The following CLCN4 variants were observed in gnomAD, a reference collection of about 807,000 sequenced individuals.
The protein encoded by CLCN4 is H(+)/Cl(-) exchange transporter 4.
In CLCN4, 1 loss-of-function variant was observed where a neutral mutation model predicts 41.7. The observed-to-expected ratio is 0.02, with a 90% CI of 0.01 to 0.11. The LOEUF (loss-of-function observed/expected upper bound fraction) is 0.11. Ranked by LOEUF, CLCN4 falls within the 10% of genes least tolerant of loss-of-function variation. CLCN4 has a pLI of 1.00. For missense variants in CLCN4, 287 were observed against 661.0 expected (o/e 0.43, Z 6.20); for synonymous variants, 277 against 285.8 (o/e 0.97, Z 0.31).
At chrX:10,216,918 T>TATATAC (rs773265490) in intron 11 of CLCN4, among the ~76,000 whole-genome samples, 3 of 38,927 alleles carry the variant, frequency 7.7e-5, no homozygotes, top group African/African-American at 1.1e-4. Context: ...TATATATATA[T>TATATAC]ACACACACAC....
intron 4 of CLCN4, among the ~76,000 whole-genome samples, chrX:10,193,233 G>A (rs1924013819): frequency 1.8e-5 from 2 of 112,072 alleles, no homozygotes; most frequent in African/African-American, 3.2e-5. Flanking sequence ...TGCTATTATT[G>A]ATTGGTGATG....
chrX:10,193,458 G>T (rs1204114421), intron 4 of CLCN4, among the ~76,000 whole-genome samples: 3 of 111,927 alleles, frequency 2.7e-5, no homozygotes, highest in African/African-American at 9.8e-5. Flanking sequence ...GCCTTTAGAA[G>T]TTGGGTGGAG....
intron 2 of CLCN4, among the ~76,000 whole-genome samples, chrX:10,175,960 CTCTCTCTCTCTGTGTG>C (rs1923520548): frequency 1.5e-5 from 1 of 67,540 alleles, no homozygotes; most frequent in African/African-American, 5.9e-5. Context: ...CTCTCTCTCT[CTCTCTCTCTCTGTGTG>C]TGTGTGTATG....
At chrX:10,228,309 A>G (rs961656608) in intron 12 of CLCN4, among the ~76,000 whole-genome samples, 1 of 109,352 alleles carries the variant, frequency 9.1e-6, no homozygotes, top group Non-Finnish European at 1.9e-5. Context: ...GTTAAAGGGA[A>G]TTGGTTGCAG....
rs61453535 is a variant in CLCN4, at chrX:10,204,613, C to CTTTTTTTT, written c.556-1716_556-1709dup. Among the ~76,000 whole-genome samples, 46 of 27,349 alleles carry CTTTTTTTT rather than the reference C, an allele frequency of 1.7e-3. 14 individuals carry two copies. The highest frequency in any genetic ancestry group is 6.4e-3 in the East Asian group (2 of 314). The allele number at this position is 27,349 out of a possible 115,157, so 23.7% of individuals were successfully genotyped here. A position where few individuals can be genotyped will look rare whatever the true frequency, so the allele number is the denominator to read the frequency against. On this transcript the variant is annotated intron_variant, in intron 6 of 12. Coordinates refer to ENST00000380833, the MANE Select transcript of CLCN4 (RefSeq NM_001830.4). ...CTATTCTCACCAGAAAGCTAGTAGT[C>CTTTTTTTT]TTTTTTTTTTTTTTTTTTTTTTTTT...
In CLCN4 at chrX:10,235,984, A is replaced by C. The variant is rs1426113109; in HGVS notation, c.*2400A>C. The C allele has an allele frequency of 8.9e-6, 1 of 112,682 alleles. No individual in the cohort carries two copies. Among genetic ancestry groups the C allele is most frequent in the Non-Finnish European group, 1.9e-5 (1 of 53,372 alleles). 9.3% of individuals were successfully genotyped at this position (112,682 alleles called of 1,213,427 possible). ...TTGGATTCTCCTGGGCTTTAAATCCAAAAAGTCTTAATGACCGCTTCATGT... is the reference window on the plus strand; with the variant it reads ...TTGGATTCTCCTGGGCTTTAAATCCCAAAAGTCTTAATGACCGCTTCATGT... On this transcript the variant is annotated 3_prime_UTR_variant, in exon 13 of 13. Transcript: ENST00000380833.
chrX:10,204,613 C>CTT (rs61453535), intron 6 of CLCN4, among the ~76,000 whole-genome samples: 1,687 of 27,302 alleles, frequency 0.062, 644 homozygotes, highest in Non-Finnish European at 0.11. Flanking sequence ...AGCTAGTAGT[C>CTT]TTTTTTTTTT....
rs1158127538 is a variant in CLCN4, at chrX:10,170,851, T to C, written c.-12+12300T>C. ...TTGGACCCTTTTGTTAGGGGACTGA[T>C]GTATGTCGGCAATCAATAAAGTATA... is the stretch of plus-strand genomic sequence containing the variant. On this transcript the variant is annotated intron_variant, in intron 2 of 12. Coordinates refer to ENST00000380833, the MANE Select transcript of CLCN4 (RefSeq NM_001830.4). Among the ~76,000 whole-genome samples the C allele has an allele frequency of 2.7e-5, 3 of 112,613 alleles. No homozygotes were observed. In the Admixed American group the frequency reaches 2.8e-4, roughly 11 times the overall value.
At chrX:10,205,454 C>T (rs1199395545) in intron 6 of CLCN4, among the ~76,000 whole-genome samples, 2 of 79,409 alleles carry the variant, frequency 2.5e-5, no homozygotes, top group African/African-American at 1.1e-4. Flanking sequence ...GCCTGGGCAA[C>T]AGTGCAAGAC....
chrX:10,210,020 C>T (rs1485676374), intron 9 of CLCN4, among the ~76,000 whole-genome samples: 1 of 111,456 alleles, frequency 9.0e-6, no homozygotes, highest in Non-Finnish European at 1.9e-5. Flanking sequence ...TTCCCTCCTG[C>T]AGCCCCGGCA....
intron 6 of CLCN4, among the ~76,000 whole-genome samples, chrX:10,206,118 T>G (rs1261584980): frequency 8.9e-6 from 1 of 112,245 alleles, no homozygotes; most frequent in Non-Finnish European, 1.9e-5. Context: ...TGTTAATGAT[T>G]TATTCAGTCC....
intron 4 of CLCN4, among the ~76,000 whole-genome samples, chrX:10,190,540 G>T (rs1191878481): frequency 1.8e-5 from 2 of 111,423 alleles, no homozygotes. Flanking sequence ...AAATATTATG[G>T]TTCTTGCGTG....
chrX:10,158,128 C>T (rs1262180014), intron 1 of CLCN4, among the ~76,000 whole-genome samples, 161 bp from the exon 2 acceptor site: 1 of 112,968 alleles, frequency 8.9e-6, no homozygotes, highest in African/African-American at 3.2e-5. Context: ...TTCTCCACTG[C>T]ATTTGATAAA....
intron 2 of CLCN4, among the ~76,000 whole-genome samples, chrX:10,175,705 C>G (rs1468983266): frequency 8.9e-6 from 1 of 111,778 alleles, no homozygotes; most frequent in African/African-American, 3.3e-5. Context: ...GTCATGTGAA[C>G]ACTACAGGTA....
intron 3 of CLCN4, among the ~76,000 whole-genome samples, chrX:10,185,746 T>C (rs1407506843): frequency 9.0e-6 from 1 of 111,242 alleles, no homozygotes; most frequent in Non-Finnish European, 1.9e-5. Flanking sequence ...GAATCTGATG[T>C]ATCTGGGCAA....
intron 11 of CLCN4, among the ~76,000 whole-genome samples, chrX:10,220,233 G>C (rs543501409): frequency 8.9e-6 from 1 of 111,897 alleles, no homozygotes; most frequent in Non-Finnish European, 1.9e-5. Context: ...AAGTTAGTTC[G>C]TAAAAAGAAA....
intron 6 of CLCN4, among the ~76,000 whole-genome samples, chrX:10,204,297 A>G (rs1214066824): frequency 8.9e-6 from 1 of 112,087 alleles, no homozygotes; most frequent in South Asian, 3.7e-4. Context: ...AACACTCCCT[A>G]TAGTCAAAGT....
At chrX:10,159,189 A>G (rs1473694591) in intron 2 of CLCN4, among the ~76,000 whole-genome samples, 1 of 112,384 alleles carries the variant, frequency 8.9e-6, no homozygotes, top group East Asian at 2.8e-4. Context: ...TATCCAATAC[A>G]ATAAAAATAA....
intron 4 of CLCN4, among the ~76,000 whole-genome samples, chrX:10,193,309 G>T (rs527259400): frequency 8.9e-6 from 1 of 112,455 alleles, no homozygotes; most frequent in Non-Finnish European, 1.9e-5. Context: ...TAGCCAGTGG[G>T]CTCTATGTGC....
Sources: gnomAD v4.1 joint callset for allele counts (sites outside exome capture counted in the v4.1 genomes callset) on GRCh38, gnomAD v4.1.1 for gene constraint, MANE v1.5 for transcripts, NCBI Gene and HGNC (gene_info 2026-07-23, HGNC 2026-07-21) for gene names.